STXBP4: variants seen among roughly 807,000 people sequenced by gnomAD.
The protein encoded by STXBP4 is syntaxin-binding protein 4.
In STXBP4, 55 loss-of-function variants were observed where a neutral mutation model predicts 76.1. The observed-to-expected ratio is 0.72, with a 90% CI of 0.58 to 0.91. The LOEUF is 0.91. Ranked by LOEUF, STXBP4 falls within the 40% of genes least tolerant of loss-of-function variation. The probability of loss-of-function intolerance (pLI) is 0.00; values close to 1 mark genes in which losing one functional copy is unlikely to be tolerated. For synonymous variants in STXBP4, 201 were observed against 220.2 expected (o/e 0.91, Z 0.77); for missense variants, 618 against 636.9 (o/e 0.97, Z 0.32).
chr17:55,070,317 G>T (rs761165436), intron 12 of STXBP4, among the ~76,000 whole-genome samples: 1 of 151,300 alleles, frequency 6.6e-6, no homozygotes, highest in Non-Finnish European at 1.5e-5. Flanking sequence ...CTGGCACATA[G>T]TTAGCCATTA....
At chr17:55,079,854 G>A (rs1055996908) in intron 15 of STXBP4, among the ~76,000 whole-genome samples, 1 of 152,050 alleles carries the variant, frequency 6.6e-6, no homozygotes, top group Non-Finnish European at 1.5e-5. Flanking sequence ...TGTCCACATA[G>A]CATTTTTTAA....
intron 13 of STXBP4, among the ~76,000 whole-genome samples, chr17:55,077,115 CTT>C (rs1203842311): frequency 6.6e-6 from 1 of 152,068 alleles, no homozygotes; most frequent in African/African-American, 2.4e-5. Flanking sequence ...TATCTGCTGT[CTT>C]TATAGATCTG....
In STXBP4 at chr17:54,985,610, A is replaced by G. The variant is rs757508340; in HGVS notation, c.-156-4A>G. On this transcript the variant is annotated splice_region_variant and splice_polypyrimidine_tract_variant and intron_variant, in intron 1 of 17. Coordinates refer to ENST00000376352, the MANE Select transcript of STXBP4 (RefSeq NM_178509.6). ...ATTAAAAGCATATTTTTTTCTCTTC[A>G]TAGGAAAGCCATTTAAGAAGTTCCT... The G allele has an allele frequency of 4.6e-5, 7 of 152,256 alleles. No homozygotes were observed. The highest frequency in any genetic ancestry group is 1.0e-4 in the Non-Finnish European group (7 of 68,048). 9.4% of individuals were successfully genotyped at this position (152,256 alleles called of 1,614,324 possible).
At chr17:55,105,905 ATG>A (rs1349098758) in intron 16 of STXBP4, among the ~76,000 whole-genome samples, 1 of 152,098 alleles carries the variant, frequency 6.6e-6, no homozygotes, top group African/African-American at 2.4e-5. Context: ...AATAAGTGCA[ATG>A]TGTTGCCGAG....
At position 55,172,196 on chromosome 17, in the gene STXBP4, G is replaced by A. The variant is rs887848192; in HGVS notation, c.*12285G>A. 2 of 152,220 alleles carry A rather than the reference G, an allele frequency of 1.3e-5. No individual in the cohort carries two copies. Among genetic ancestry groups the A allele is most frequent in the African/African-American group, 4.8e-5 (2 of 41,446 alleles). The allele number at this position is 152,220 out of a possible 1,614,324, so 9.4% of individuals were successfully genotyped here. A position where few individuals can be genotyped will look rare whatever the true frequency, so the allele number is the denominator to read the frequency against. On this transcript the variant is annotated 3_prime_UTR_variant, in exon 18 of 18. Transcript: ENST00000376352. ...CCATCTTAAAGGTGCAAGCCCATGT[G>A]GGCGATGACCAGGTCTGGTATATTA...
chr17:55,034,232 T>C lies in STXBP4; in HGVS notation c.828T>C (p.His276=). The C allele has an allele frequency of 6.2e-7, 1 of 1,612,104 alleles. No individual in the cohort carries two copies. Among genetic ancestry groups the C allele is most frequent in the Non-Finnish European group, 8.5e-7 (1 of 1,178,768 alleles). ...TGGATGAAGTAAATGTTGGTGCACA[T>C]GAAATTTCCAATATATTAGATTCAC... ...LQLDEVNVGA[H]EISNILDSQL... Residue 276 remains histidine, a synonymous_variant, in exon 10 of 18, where the codon CAT becomes CAC. Coordinates refer to ENST00000376352, the MANE Select transcript of STXBP4 (RefSeq NM_178509.6).
At chr17:55,122,480 G>A (rs1468672679) in intron 16 of STXBP4, among the ~76,000 whole-genome samples, 3 of 152,072 alleles carry the variant, frequency 2.0e-5, no homozygotes, top group African/African-American at 7.2e-5. Flanking sequence ...TGAAGGAATG[G>A]AGTCTATATT....
chr17:54,985,930 A>G (rs1453895884), intron 2 of STXBP4, among the ~76,000 whole-genome samples: 1 of 152,218 alleles, frequency 6.6e-6, no homozygotes, highest in African/African-American at 2.4e-5. Flanking sequence ...ATAGACATAG[A>G]CTTATCTATC....
intron 12 of STXBP4, among the ~76,000 whole-genome samples, chr17:55,065,783 A>T (rs971404923): frequency 6.6e-6 from 1 of 152,148 alleles, no homozygotes; most frequent in African/African-American, 2.4e-5. Flanking sequence ...TTGATTAGGG[A>T]CTTCTGTTTA....
intron 17 of STXBP4, among the ~76,000 whole-genome samples, chr17:55,148,316 T>G (rs2080179018): frequency 6.6e-6 from 1 of 152,206 alleles, no homozygotes; most frequent in East Asian, 1.9e-4. Context: ...GTCATCTCAT[T>G]TATAAACAAA....
At chr17:54,997,997 C>T (rs1308908025) in intron 4 of STXBP4, among the ~76,000 whole-genome samples, 3 of 151,960 alleles carry the variant, frequency 2.0e-5, no homozygotes, top group Admixed American at 2.0e-4. Context: ...ATCTTTTACA[C>T]ACTATTTGAG....
At chr17:55,132,765 A>T (rs1288370716) in intron 16 of STXBP4, among the ~76,000 whole-genome samples, 2 of 152,114 alleles carry the variant, frequency 1.3e-5, no homozygotes, top group African/African-American at 2.4e-5. Flanking sequence ...GAGGCTGGAG[A>T]AGAAGGGAGC....
chr17:55,021,831 C>G (rs2078318085), intron 8 of STXBP4, among the ~76,000 whole-genome samples: 1 of 151,978 alleles, frequency 6.6e-6, no homozygotes, highest in Non-Finnish European at 1.5e-5. Flanking sequence ...AAAAATTTAT[C>G]AAACGAAAAT....
At chr17:55,040,036 G>A (rs1740217137) in intron 10 of STXBP4, among the ~76,000 whole-genome samples, 1 of 152,098 alleles carries the variant, frequency 6.6e-6, no homozygotes, top group South Asian at 2.1e-4. Flanking sequence ...AAACTTTGGG[G>A]AACCTCCCAA....
At chr17:55,012,172 T>A (rs988047599) in intron 8 of STXBP4, among the ~76,000 whole-genome samples, 2 of 152,192 alleles carry the variant, frequency 1.3e-5, no homozygotes, top group Non-Finnish European at 2.9e-5. Context: ...ATTATTTCTT[T>A]GGCACACTTC....
chr17:54,987,607 T>A (rs2077644563), intron 3 of STXBP4, among the ~76,000 whole-genome samples: 1 of 152,214 alleles, frequency 6.6e-6, no homozygotes, highest in Admixed American at 6.5e-5. Flanking sequence ...AGCCACTATA[T>A]TATGGATGGG....
chr17:55,129,008 C>T (rs1398892173), intron 16 of STXBP4, among the ~76,000 whole-genome samples: 1 of 148,378 alleles, frequency 6.7e-6, no homozygotes, highest in African/African-American at 2.5e-5. Context: ...TGGCTCACTG[C>T]AACCTCCATC....
chr17:55,193,644 G>T, the STXBP4 span, among the ~76,000 whole-genome samples: 1 of 151,868 alleles, frequency 6.6e-6, no homozygotes, highest in Non-Finnish European at 1.5e-5. Context: ...ACAAAAAAAG[G>T]AAAAACAAAA....
chr17:55,060,759 G>T (rs886959707), intron 12 of STXBP4, among the ~76,000 whole-genome samples: 5 of 152,156 alleles, frequency 3.3e-5, no homozygotes, highest in African/African-American at 1.2e-4. Context: ...CCATGAAATT[G>T]TTGTTATTTT....
Sources: gnomAD v4.1 joint callset for allele counts (sites outside exome capture counted in the v4.1 genomes callset) on GRCh38, gnomAD v4.1.1 for gene constraint, MANE v1.5 for transcripts, NCBI Gene and HGNC (gene_info 2026-07-23, HGNC 2026-07-21) for gene names.